The following COL4A4 variants were observed in gnomAD, a reference collection of about 807,000 sequenced individuals.
COL4A4 encodes collagen alpha-4(IV) chain.
Under a neutral mutation model 192.9 loss-of-function variants are expected in COL4A4, and 105 were observed. The observed-to-expected ratio is 0.54, with a 90% CI of 0.46 to 0.64. COL4A4 has a LOEUF of 0.64. Among genes scored for constraint, COL4A4 ranks in the 30% least tolerant of loss-of-function variants. COL4A4 has a pLI of 0.00. For synonymous variants in COL4A4, 762 were observed against 769.9 expected (o/e 0.99, Z 0.17); for missense variants, 1,967 against 2,169.3 (o/e 0.91, Z 1.85).
intron 46 of COL4A4, among the ~76,000 whole-genome samples, chr2:227,009,462 G>A (rs1963033018): frequency 6.6e-6 from 1 of 152,134 alleles, no homozygotes; most frequent in Non-Finnish European, 1.5e-5. Flanking sequence ...CCAGCACTAT[G>A]GGAGGCCAAG....
intron 25 of COL4A4, among the ~76,000 whole-genome samples, chr2:227,072,740 G>C (rs2058795021): frequency 6.6e-6 from 1 of 151,802 alleles, no homozygotes. Context: ...TGTAGGGATG[G>C]TTTAATATAT....
Position 227,162,799 on chromosome 2 carries a change from G to A in COL4A4, c.-102+1208C>T, listed in dbSNP as rs2064951713. On this transcript the variant is annotated intron_variant, in intron 1 of 47. Transcript: ENST00000396625. ...AAATTGGCTTGGAATGGTCTGGGTA[G>A]CAACATTGTTTTATCCTCCCAAAGA... 2.0e-5 allele frequency among the ~76,000 whole-genome samples: 3 copies of A among 152,202 alleles called. No individual in the cohort carries two copies. In the South Asian group the frequency reaches 6.2e-4, roughly 32 times the overall value.
At chr2:226,995,580 C>A in the COL4A4 span, 1 of 1,134,518 alleles carries the variant, frequency 8.8e-7, no homozygotes, top group Non-Finnish European at 1.3e-6. Context: ...TTGGCTCATT[C>A]CCCAAGCCCC....
rs76039835 is a variant in COL4A4, at chr2:227,043,776, T to C, written c.3290-592A>G. Among the ~76,000 whole-genome samples, 896 of 152,338 alleles carry C rather than the reference T, an allele frequency of 5.9e-3. 10 individuals are homozygous for C. The highest frequency in any genetic ancestry group is 0.02 in the African/African-American group (844 of 41,574). On this transcript the variant is annotated intron_variant, in intron 35 of 47. Transcript: ENST00000396625. Reference sequence around the variant, plus strand: ...ACCGTAGTGTAATTCCATCCCTAAATACTTCAGGAGGTAAGAAGTCTGAAA... The same window carrying C: ...ACCGTAGTGTAATTCCATCCCTAAACACTTCAGGAGGTAAGAAGTCTGAAA...
At chr2:227,109,674 G>A (rs1167693107) in intron 9 of COL4A4, among the ~76,000 whole-genome samples, 1 of 151,540 alleles carries the variant, frequency 6.6e-6, no homozygotes, top group Non-Finnish European at 1.5e-5. Context: ...TTGAACCAGG[G>A]AATCGGAGAT....
At chr2:227,139,755 C>T (rs80277658) in intron 4 of COL4A4, among the ~76,000 whole-genome samples, 10,796 of 152,212 alleles carry the variant, frequency 0.071, 1,205 homozygotes, top group African/African-American at 0.25. Flanking sequence ...GTTTCAATAG[C>T]GACAATCCAA....
At chr2:227,160,228 A>T (rs111346964) in intron 1 of COL4A4, among the ~76,000 whole-genome samples, 2 of 152,250 alleles carry the variant, frequency 1.3e-5, no homozygotes, top group South Asian at 4.1e-4. Context: ...TTGTGAAGTT[A>T]AAGGGGAACT....
At position 227,056,038 on chromosome 2, in the gene COL4A4, G is replaced by A; in HGVS notation, c.2623C>T (p.Pro875Ser). 2 of 1,613,986 alleles carry A rather than the reference G, an allele frequency of 1.2e-6. No homozygotes were observed. The highest frequency in any genetic ancestry group is 1.7e-6 in the Non-Finnish European group (2 of 1,179,984). Reference protein sequence around the residue: ...PAGMKGLPGLPGRPGAHGPPG... With the variant: ...PAGMKGLPGLSGRPGAHGPPG... ...GGACCATGTGCCCCAGGCCGTCCTG[G>A]GAGTCCGGGGAGGCCTTTCATTCCA... The change falls in exon 30 of 48, where the codon CCA (proline) becomes TCA (serine). Residue 875 changes from proline (P) to serine (S), a missense_variant. Pro to Ser is a moderately conservative substitution (Grantham distance 74, BLOSUM62 -1). Transcript: ENST00000396625.
At position 227,109,161 on chromosome 2, in the gene COL4A4, GCTTC is replaced by G. The variant is rs774251550; in HGVS notation, c.657+59_657+62del. ...GTGTCTGACCCAAAATGGCAATGTT[GCTTC>G]TTTATTTTCATGTAGAATCTGGTTT... On this transcript the variant is annotated intron_variant, in intron 10 of 47. Coordinates refer to ENST00000396625, the MANE Select transcript of COL4A4 (RefSeq NM_000092.5). 5.1e-5 allele frequency: 76 copies of G among 1,486,984 alleles called. No homozygotes were observed. In the African/African-American group the frequency reaches 8.3e-4, roughly 16 times the overall value. 92.1% of individuals were successfully genotyped at this position (1,486,984 alleles called of 1,614,324 possible). A position where few individuals can be genotyped will look rare whatever the true frequency, so the allele number is the denominator to read the frequency against.
chr2:227,099,749 C>A, intron 17 of COL4A4, 60 bp from the exon 18 acceptor site: 1 of 1,429,526 alleles, frequency 7.0e-7, no homozygotes, highest in South Asian at 1.2e-5. Context: ...TGTTGCCTGG[C>A]ATTAAACCAG....
intron 1 of COL4A4, among the ~76,000 whole-genome samples, chr2:227,152,256 A>G (rs1290657862): frequency 1.3e-5 from 2 of 152,216 alleles, no homozygotes; most frequent in African/African-American, 2.4e-5. Context: ...AAGCAGGGCA[A>G]TTGTGAAAGA....
intron 4 of COL4A4, among the ~76,000 whole-genome samples, chr2:227,138,071 G>A (rs2062935993): frequency 6.6e-6 from 1 of 151,862 alleles, no homozygotes; most frequent in Non-Finnish European, 1.5e-5. Flanking sequence ...CAAGGAGGGA[G>A]GATCACTTGA....
intron 25 of COL4A4, among the ~76,000 whole-genome samples, chr2:227,068,407 CACAACCAAAAAAGAGA>C (rs2058487968): frequency 6.6e-6 from 1 of 152,150 alleles, no homozygotes; most frequent in African/African-American, 2.4e-5. Flanking sequence ...CAGGCAGAGA[CACAACCAAAAAAGAGA>C]ATTTTAGACC....
intron 25 of COL4A4, among the ~76,000 whole-genome samples, chr2:227,067,461 T>A (rs185791665): frequency 2.4e-3 from 366 of 152,280 alleles, no homozygotes; most frequent in African/African-American, 8.4e-3. Context: ...GACCACATAC[T>A]TGGAAGTAAA....
rs1238134025 is a variant in COL4A4 at position 227,101,854 on chromosome 2, G to A, written c.975+11C>T. ...AATGTATTTATTATCTCTATAATGA[G>A]GTACATTTACCTTTAATCCTGGAAA... On this transcript the variant is annotated intron_variant, in intron 16 of 47. Coordinates refer to ENST00000396625, the MANE Select transcript of COL4A4 (RefSeq NM_000092.5). The A allele has an allele frequency of 2.6e-6, 4 of 1,564,020 alleles. No individual in the cohort carries two copies. The highest frequency in any genetic ancestry group is 2.7e-5 in the African/African-American group (2 of 73,726).
chr2:227,008,000 C>T lies in COL4A4; in HGVS notation c.4809+18G>A, dbSNP rs768113341. On this transcript the variant is annotated intron_variant, in intron 47 of 47. Transcript: ENST00000396625. The stretch of plus-strand genomic sequence containing the variant: ...GAAATGGTGAATGAGCCAGGGTTTT[C>T]AAGGGCACGGGACTCACCATCAGGA... 6.2e-7 allele frequency: 1 copy of T among 1,605,964 alleles called. No homozygotes were observed. Among genetic ancestry groups the T allele is most frequent in the African/African-American group, 1.3e-5 (1 of 74,928 alleles).
In COL4A4 at chr2:227,118,369, G is replaced by A. The variant is rs1242328441; in HGVS notation, c.489+276C>T. 6.6e-5 allele frequency among the ~76,000 whole-genome samples: 10 copies of A among 152,074 alleles called. 1 individual carries two copies. Among genetic ancestry groups the A allele is most frequent in the Admixed American group, 3.3e-4 (5 of 15,272 alleles). ...TCACAGCAGCCAGAGACATCTTAAT[G>A]AAACATCAATCAGATCATGTTGCTT... On this transcript the variant is annotated intron_variant, in intron 7 of 47. Transcript: ENST00000396625.
At position 227,032,110 on chromosome 2, in the gene COL4A4, T is replaced by C. The variant is rs888782269; in HGVS notation, c.3706+38A>G. The C allele has an allele frequency of 1.9e-6, 3 of 1,613,994 alleles. No individual in the cohort carries two copies. The African/African-American group carries it at 4.0e-5, about 22-fold the overall frequency. On this transcript the variant is annotated intron_variant, in intron 39 of 47. Coordinates refer to ENST00000396625, the MANE Select transcript of COL4A4 (RefSeq NM_000092.5). ...TCATTGCATTTGGAAGGTTTTGGTTTAGTTATTGAAAGAAGGGCAAAGCAT... is the reference window on the plus strand; with the variant it reads ...TCATTGCATTTGGAAGGTTTTGGTTCAGTTATTGAAAGAAGGGCAAAGCAT...
Position 227,039,169 on chromosome 2 carries a change from T to A in COL4A4, c.3505+2979A>T, listed in dbSNP as rs1018254023. ...AAATTTATTAGCTATTAGTTTTGTT[T>A]TGTTTTGTTTTGCTTGAGACAGAGT... On this transcript the variant is annotated intron_variant, in intron 37 of 47. Transcript: ENST00000396625. Among the ~76,000 whole-genome samples, 17 of 152,126 alleles carry A rather than the reference T, an allele frequency of 1.1e-4. 1 individual carries two copies. Among genetic ancestry groups the A allele is most frequent in the Non-Finnish European group, 2.2e-4 (15 of 68,012 alleles).
Sources: gnomAD v4.1 joint callset for allele counts (sites outside exome capture counted in the v4.1 genomes callset) on GRCh38, gnomAD v4.1.1 for gene constraint, MANE v1.5 for transcripts, NCBI Gene and HGNC (gene_info 2026-07-23, HGNC 2026-07-21) for gene names.